Variants in HSF5 observed in about 807,000 individuals in gnomAD.
The protein encoded by HSF5 is heat shock transcription factor 5, also known as heat shock factor protein 5.
Under a neutral mutation model 50.8 loss-of-function variants are expected in HSF5, and 5 were observed. The ratio of observed to expected loss-of-function variants is 0.10; its 90% confidence interval spans 0.05 to 0.21. The LOEUF is 0.21. Ranked by LOEUF, HSF5 falls within the 10% of genes least tolerant of loss-of-function variation. The pLI is 1.00. For missense variants in HSF5, 564 were observed against 762.6 expected, an observed-to-expected ratio of 0.74 and a Z score of 3.07; for synonymous variants, 307 against 307.4, an observed-to-expected ratio of 1.00 and a Z score of 0.02.
At chr17:58,450,564 A>G (rs12103820) in intron 5 of HSF5, among the ~76,000 whole-genome samples, 69 of 148,588 alleles carry the variant, frequency 4.6e-4, no homozygotes, top group African/African-American at 1.7e-3. Context: ...GACCAGCCTG[A>G]CCAACATGGA....
intron 2 of HSF5, among the ~76,000 whole-genome samples, chr17:58,471,896 G>C (rs368106789): frequency 6.6e-6 from 1 of 151,928 alleles, no homozygotes; most frequent in African/African-American, 2.4e-5. Context: ...ATCTGTTGCC[G>C]AGGCGGGAGT....
intron 5 of HSF5, among the ~76,000 whole-genome samples, chr17:58,449,043 C>A (rs1211512785): frequency 6.6e-6 from 1 of 152,006 alleles, no homozygotes; most frequent in African/African-American, 2.4e-5. Context: ...CTTTTCTTTG[C>A]AATCAAAGTC....
At chr17:58,463,553 G>C (rs934082304) in intron 3 of HSF5, among the ~76,000 whole-genome samples, 13 of 152,100 alleles carry the variant, frequency 8.5e-5, no homozygotes, top group African/African-American at 3.1e-4. Flanking sequence ...AATTCTTAAG[G>C]TTAAACTGTA....
At chr17:58,452,111 T>C (rs1297989614) in intron 5 of HSF5, among the ~76,000 whole-genome samples, 1 of 151,664 alleles carries the variant, frequency 6.6e-6, no homozygotes, top group Non-Finnish European at 1.5e-5. Context: ...TAGCCAAGCA[T>C]GGTGTCACAC....
chr17:58,423,759 G>A (rs956633190), intron 5 of HSF5, among the ~76,000 whole-genome samples: 5 of 152,064 alleles, frequency 3.3e-5, no homozygotes, highest in Admixed American at 6.5e-5. Context: ...GATTACAGGC[G>A]TGAGCCACTG....
At chr17:58,456,371 A>T (rs1430445503) in intron 5 of HSF5, among the ~76,000 whole-genome samples, 1 of 152,174 alleles carries the variant, frequency 6.6e-6, no homozygotes, top group Non-Finnish European at 1.5e-5. Flanking sequence ...AGTTAATTTC[A>T]TAGAAGAAAG....
At chr17:58,468,869 T>TAC (rs943037655) in intron 2 of HSF5, among the ~76,000 whole-genome samples, 3 of 152,124 alleles carry the variant, frequency 2.0e-5, no homozygotes, top group African/African-American at 7.2e-5. Flanking sequence ...GGCCATATAT[T>TAC]ACTAAGATTG....
chr17:58,427,036 G>T (rs1439217228), intron 5 of HSF5, among the ~76,000 whole-genome samples: 1 of 152,100 alleles, frequency 6.6e-6, no homozygotes, highest in Non-Finnish European at 1.5e-5. Flanking sequence ...TAGATCGCTT[G>T]CATCCAGAAG....
intron 1 of HSF5, among the ~76,000 whole-genome samples, chr17:58,482,709 CAAAAAAAA>C (rs34783781): frequency 3.2e-3 from 43 of 13,458 alleles, no homozygotes; most frequent in African/African-American, 9.5e-3. Flanking sequence ...GACTCCATCT[CAAAAAAAA>C]AAAAAAAAAA....
At chr17:58,436,085 G>A (rs1340793579) in intron 5 of HSF5, among the ~76,000 whole-genome samples, 2 of 152,048 alleles carry the variant, frequency 1.3e-5, no homozygotes, top group African/African-American at 4.8e-5. Flanking sequence ...ACACGTCCAA[G>A]GTCACACAGT....
intron 5 of HSF5, 86 bp downstream of exon 5, chr17:58,458,682 A>C: frequency 9.1e-7 from 1 of 1,099,030 alleles, no homozygotes; most frequent in Non-Finnish European, 1.3e-6. Context: ...ATGAATAATA[A>C]ATGGAGACCC....
intron 5 of HSF5, among the ~76,000 whole-genome samples, chr17:58,438,367 C>A (rs1172523714): frequency 1.3e-5 from 2 of 152,148 alleles, no homozygotes; most frequent in African/African-American, 4.8e-5. Flanking sequence ...AAGTACAATT[C>A]ACAATGTTTA....
chr17:58,435,695 C>A (rs539159903), intron 5 of HSF5, among the ~76,000 whole-genome samples: 1 of 151,874 alleles, frequency 6.6e-6, no homozygotes, highest in Non-Finnish European at 1.5e-5. Flanking sequence ...AGCAGGAGAT[C>A]GAGACCATCC....
chr17:58,439,606 T>G (rs1974473579), intron 5 of HSF5, among the ~76,000 whole-genome samples: 1 of 152,058 alleles, frequency 6.6e-6, no homozygotes, highest in South Asian at 2.1e-4. Context: ...TGCCTTAGCC[T>G]CCTGAGTAGC....
chr17:58,472,864 G>A (rs1006895511), intron 2 of HSF5, among the ~76,000 whole-genome samples: 1 of 152,172 alleles, frequency 6.6e-6, no homozygotes, highest in African/African-American at 2.4e-5. Flanking sequence ...ACTCTGGTGA[G>A]TCAATAACCC....
intron 5 of HSF5, among the ~76,000 whole-genome samples, chr17:58,424,765 G>A (rs1974272287): frequency 6.6e-6 from 1 of 152,106 alleles, no homozygotes; most frequent in South Asian, 2.1e-4. Flanking sequence ...CAGTGTGGGT[G>A]ACAGAGCAAA....
chr17:58,443,639 C>T (rs1974524468), intron 5 of HSF5, among the ~76,000 whole-genome samples: 1 of 152,334 alleles, frequency 6.6e-6, no homozygotes, highest in South Asian at 2.1e-4. Context: ...TCAGAGGTAT[C>T]TATCCTTTAA....
Position 58,421,544 on chromosome 17 carries a change from T to G in HSF5, c.*816A>C, listed in dbSNP as rs183397509. On this transcript the variant is annotated 3_prime_UTR_variant, in exon 6 of 6. Coordinates refer to ENST00000323777, the MANE Select transcript of HSF5 (RefSeq NM_001080439.3). Reference sequence around the variant, plus strand: ...CCTGCAATAATAAAAATATAAAACTTTAAAACCTTTAAATCTATCAGCATT... The same window carrying G: ...CCTGCAATAATAAAAATATAAAACTGTAAAACCTTTAAATCTATCAGCATT... The G allele has an allele frequency of 2.0e-5, 3 of 152,284 alleles. No individual in the cohort carries two copies. Among genetic ancestry groups the G allele is most frequent in the African/African-American group, 7.2e-5 (3 of 41,566 alleles). The allele number at this position is 152,284 out of a possible 1,614,324, so 9.4% of individuals were successfully genotyped here.
At chr17:58,467,470 GC>G (rs1421689022) in intron 2 of HSF5, among the ~76,000 whole-genome samples, 1 of 152,202 alleles carries the variant, frequency 6.6e-6, no homozygotes, top group African/African-American at 2.4e-5. Context: ...AATAATTTAG[GC>G]AAGTGGTCAG....
Sources: gnomAD v4.1 joint callset for allele counts (sites outside exome capture counted in the v4.1 genomes callset) on GRCh38, gnomAD v4.1.1 for gene constraint, MANE v1.5 for transcripts, NCBI Gene and HGNC (gene_info 2026-07-23, HGNC 2026-07-21) for gene names.